The following CNTLN variants were observed in gnomAD, a reference collection of about 807,000 sequenced individuals.
The protein encoded by CNTLN is centlein, centrosomal protein.
A neutral mutation model predicts 180.0 loss-of-function variants in CNTLN; 212 were observed. The ratio of observed to expected loss-of-function variants is 1.18; its 90% confidence interval spans 1.05 to 1.32. The LOEUF (loss-of-function observed/expected upper bound fraction) is 1.32, where lower values mean the gene tolerates loss of function less well. Among genes scored for constraint, CNTLN ranks in the 40% most tolerant of loss-of-function variants. The pLI is 0.00. For synonymous variants in CNTLN, 722 were observed against 563.1 expected (o/e 1.28, Z -3.99); for missense variants, 2,095 against 1,610.9 (o/e 1.30, Z -5.14).
intron 2 of CNTLN, among the ~76,000 whole-genome samples, chr9:17,199,778 A>G (rs550390492): frequency 1.1e-4 from 17 of 152,096 alleles, no homozygotes; most frequent in African/African-American, 3.4e-4. Flanking sequence ...ATTTTCTCCC[A>G]TTTTGTAGGT....
intron 7 of CNTLN, chr9:17,301,962 AATTT>A: frequency 1.0e-6 from 1 of 952,756 alleles, no homozygotes; most frequent in Admixed American, 6.2e-5. Context: ...ATGGTCATAT[AATTT>A]ATTTTTCTAC....
chr9:17,359,358 G>T (rs2133368792), intron 12 of CNTLN, among the ~76,000 whole-genome samples: 1 of 151,958 alleles, frequency 6.6e-6, no homozygotes, highest in African/African-American at 2.4e-5. Flanking sequence ...AAATAGAAAT[G>T]AAAAATTGAT....
chr9:17,223,394 C>T (rs934330426), intron 2 of CNTLN, among the ~76,000 whole-genome samples: 1 of 151,924 alleles, frequency 6.6e-6, no homozygotes, highest in African/African-American at 2.4e-5. Context: ...ACTGCCTACT[C>T]CTCTTGGATG....
chr9:17,177,172 G>C (rs1475471872), intron 2 of CNTLN, among the ~76,000 whole-genome samples: 2 of 152,168 alleles, frequency 1.3e-5, no homozygotes, highest in Non-Finnish European at 2.9e-5. Context: ...CACTTTGGGA[G>C]GCTGAGGCAG....
chr9:17,456,298 C>A (rs1190527256), intron 18 of CNTLN, among the ~76,000 whole-genome samples: 1 of 152,050 alleles, frequency 6.6e-6, no homozygotes, highest in Admixed American at 6.5e-5. Context: ...TTTCATGGAA[C>A]AAATTTCATA....
chr9:17,435,076 G>A (rs370396823), intron 18 of CNTLN, among the ~76,000 whole-genome samples: 14 of 152,252 alleles, frequency 9.2e-5, no homozygotes, highest in African/African-American at 2.2e-4. Flanking sequence ...ATTCTGTATT[G>A]CAAGATAATA....
intron 1 of CNTLN, among the ~76,000 whole-genome samples, chr9:17,142,833 C>T (rs377155086): frequency 2.2e-4 from 33 of 152,224 alleles, no homozygotes; most frequent in East Asian, 1.9e-3. Context: ...TACCCATTGT[C>T]CTTTGGATTT....
At chr9:17,184,923 C>T (rs1821339495) in intron 2 of CNTLN, among the ~76,000 whole-genome samples, 1 of 152,144 alleles carries the variant, frequency 6.6e-6, no homozygotes, top group Admixed American at 6.5e-5. Flanking sequence ...ATGATAAAAG[C>T]AAATCTGGTA....
chr9:17,182,847 C>T (rs887973521), intron 2 of CNTLN, among the ~76,000 whole-genome samples: 2 of 152,182 alleles, frequency 1.3e-5, no homozygotes, highest in African/African-American at 4.8e-5. Flanking sequence ...ATTTGCCATA[C>T]TTGCCATGAA....
chr9:17,175,053 A>G (rs1441968774), intron 2 of CNTLN, among the ~76,000 whole-genome samples: 3 of 152,108 alleles, frequency 2.0e-5, no homozygotes, highest in Non-Finnish European at 4.4e-5. Flanking sequence ...TCTTTTGTCA[A>G]CTATGTGGTT....
chr9:17,268,442 C>T (rs958081734), intron 5 of CNTLN, among the ~76,000 whole-genome samples: 1 of 152,188 alleles, frequency 6.6e-6, no homozygotes, highest in African/African-American at 2.4e-5. Context: ...GTCTGTCAGT[C>T]TGCCCCTACT....
intron 7 of CNTLN, among the ~76,000 whole-genome samples, chr9:17,303,985 CTCAAT>C (rs1187338653): frequency 1.3e-5 from 2 of 152,138 alleles, no homozygotes; most frequent in African/African-American, 4.8e-5. Context: ...TTCTCTTTCT[CTCAAT>C]TCTTCACCCC....
the CNTLN span, among the ~76,000 whole-genome samples, chr9:17,509,453 G>A: frequency 3.9e-5 from 6 of 152,220 alleles, no homozygotes; most frequent in African/African-American, 7.2e-5. Context: ...ATTGCACACA[G>A]CATTGTTTGT....
intron 23 of CNTLN, among the ~76,000 whole-genome samples, chr9:17,483,052 T>C (rs1384539647): frequency 1.3e-5 from 2 of 152,086 alleles, no homozygotes; most frequent in Admixed American, 1.3e-4. Context: ...AAATTAAAAA[T>C]ATTTTTCTGT....
At chr9:17,311,450 T>C (rs918888179) in intron 8 of CNTLN, among the ~76,000 whole-genome samples, 32 of 137,938 alleles carry the variant, frequency 2.3e-4, no homozygotes, top group African/African-American at 8.2e-4. Flanking sequence ...AGGGTTTTTC[T>C]GTTTTTTTTT....
chr9:17,467,264 A>T (rs1831805577), intron 23 of CNTLN, among the ~76,000 whole-genome samples: 1 of 151,526 alleles, frequency 6.6e-6, no homozygotes, highest in Non-Finnish European at 1.5e-5. Flanking sequence ...ATGCTAAGAG[A>T]CATCTGAATC....
intron 13 of CNTLN, among the ~76,000 whole-genome samples, chr9:17,386,516 C>G (rs1825693920): frequency 1.3e-5 from 2 of 152,114 alleles, no homozygotes; most frequent in Non-Finnish European, 2.9e-5. Context: ...GGTTTATTTC[C>G]CAAATCCTGG....
In CNTLN at chr9:17,404,987, C is replaced by T. The variant is rs1157706578; in HGVS notation, c.2616-4306C>T. 3.3e-5 allele frequency among the ~76,000 whole-genome samples: 5 copies of T among 151,672 alleles called. 1 individual carries two copies. The highest frequency in any genetic ancestry group is 1.2e-4 in the African/African-American group (5 of 41,028). On this transcript the variant is annotated intron_variant, in intron 15 of 25. Coordinates refer to ENST00000380647, the MANE Select transcript of CNTLN (RefSeq NM_017738.4). ...TCCTGACGTCAGGCAGTCTGCCCAC[C>T]TCGGCCTCCCAAAGTGCTGGGATTA... is the stretch of plus-strand genomic sequence containing the variant.
intron 13 of CNTLN, among the ~76,000 whole-genome samples, chr9:17,385,677 A>G (rs974798050): frequency 2.0e-5 from 3 of 152,192 alleles, no homozygotes; most frequent in Admixed American, 6.5e-5. Flanking sequence ...AAAAAATTGT[A>G]TCTGTATTGA....
Sources: gnomAD v4.1 joint callset for allele counts (sites outside exome capture counted in the v4.1 genomes callset) on GRCh38, gnomAD v4.1.1 for gene constraint, MANE v1.5 for transcripts, NCBI Gene and HGNC (gene_info 2026-07-23, HGNC 2026-07-21) for gene names.